ZMYM2: variants seen among roughly 807,000 people sequenced by gnomAD.
ZMYM2 encodes the protein zinc finger MYM-type protein 2.
Under a neutral mutation model 162.8 loss-of-function variants are expected in ZMYM2, and 56 were observed. The ratio of observed to expected loss-of-function variants is 0.34; its 90% CI spans 0.28 to 0.43. The LOEUF (loss-of-function observed/expected upper bound fraction) is 0.43, where lower values mean the gene tolerates loss of function less well. ZMYM2 is among the 20% of genes least tolerant of loss of function. The pLI, the probability that ZMYM2 is intolerant of heterozygous loss-of-function variation, is 1.00. For synonymous variants in ZMYM2, 510 were observed against 541.6 expected, an observed-to-expected ratio of 0.94 and a Z score of 0.81; for missense variants, 1,275 against 1,621.8, an observed-to-expected ratio of 0.79 and a Z score of 3.67.
At chr13:20,078,415 C>T (rs1228742109) in intron 21 of ZMYM2, among the ~76,000 whole-genome samples, 1 of 152,160 alleles carries the variant, frequency 6.6e-6, no homozygotes, top group Non-Finnish European at 1.5e-5. Context: ...TGTTTGCACA[C>T]AGTGTTTCTT....
At chr13:19,990,420 G>A (rs1230113306) in intron 2 of ZMYM2, among the ~76,000 whole-genome samples, 5 of 152,282 alleles carry the variant, frequency 3.3e-5, no homozygotes, top group Non-Finnish European at 7.4e-5. Context: ...CTTTGCAGAA[G>A]CTGTTTTCTT....
At chr13:20,051,719 C>A in intron 13 of ZMYM2, 121 bp downstream of exon 13, 1 of 971,102 alleles carries the variant, frequency 1.0e-6, no homozygotes, top group Non-Finnish European at 1.5e-6. Context: ...AACTTAAATT[C>A]CGTAGATTCT....
At chr13:19,938,750 A>G in the ZMYM2 span, among the ~76,000 whole-genome samples, 2 of 151,100 alleles carry the variant, frequency 1.3e-5, no homozygotes, top group South Asian at 2.1e-4. Context: ...AAAACAGGAG[A>G]TTCCAGCCTG....
intron 12 of ZMYM2, 28 bp from the exon 13 acceptor site, chr13:20,051,403 AAT>A: frequency 1.3e-6 from 2 of 1,594,808 alleles, no homozygotes; most frequent in Non-Finnish European, 1.7e-6. Context: ...AATAATTTGC[AAT>A]ATCTGAAACC....
chr13:20,046,607 G>GTGTATA (rs781273129), intron 12 of ZMYM2, among the ~76,000 whole-genome samples: 76 of 104,364 alleles, frequency 7.3e-4, no homozygotes, highest in African/African-American at 2.8e-3. Flanking sequence ...GTGTGTGTGT[G>GTGTATA]TATATATATG....
intron 6 of ZMYM2, among the ~76,000 whole-genome samples, chr13:20,018,595 TTAA>T (rs1397781347): frequency 6.6e-6 from 1 of 152,204 alleles, no homozygotes; most frequent in African/African-American, 2.4e-5. Context: ...ATACACTTAG[TTAA>T]TAATCTAGAT....
intron 7 of ZMYM2, 160 bp downstream of exon 7, chr13:20,019,778 G>T: frequency 1.6e-6 from 1 of 633,542 alleles, no homozygotes; most frequent in Non-Finnish European, 2.8e-6. Context: ...CTGAGACATA[G>T]ATTTCTAATT....
In ZMYM2 at chr13:19,986,198, A is replaced by AAAAC. The variant is rs199949326; in HGVS notation, c.-10-6849_-10-6846dup. On this transcript the variant is annotated intron_variant, in intron 2 of 24. Transcript: ENST00000610343. ...GGCAATAGAGCCAGACTCTCTCAAA[A>AAAAC]AAACAAACAAACAAACAAAACAAAC... is the stretch of plus-strand genomic sequence containing the variant. Among the ~76,000 whole-genome samples the AAAAC allele has an allele frequency of 6.6e-5, 10 of 151,944 alleles. 1 individual carries two copies. Among genetic ancestry groups the AAAAC allele is most frequent in the Admixed American group, 1.3e-4 (2 of 15,232 alleles).
intron 2 of ZMYM2, among the ~76,000 whole-genome samples, chr13:19,978,681 C>G (rs539150689): frequency 1.3e-5 from 2 of 152,310 alleles, no homozygotes; most frequent in South Asian, 4.1e-4. Flanking sequence ...TCCCAAAGTG[C>G]TGGGATTACA....
chr13:19,931,109 G>C, the ZMYM2 span, among the ~76,000 whole-genome samples: 21 of 145,968 alleles, frequency 1.4e-4, no homozygotes, highest in African/African-American at 5.3e-4. Flanking sequence ...ACAGCACTCC[G>C]GCCTGGGTGA....
At chr13:20,074,241 A>T (rs1593244944) in intron 21 of ZMYM2, among the ~76,000 whole-genome samples, 3 of 144,384 alleles carry the variant, frequency 2.1e-5, no homozygotes, top group Admixed American at 6.8e-5. Context: ...TGTGTGTGAG[A>T]GAGACAGAGA....
At chr13:19,881,546 CAGG>C in the ZMYM2 span, among the ~76,000 whole-genome samples, 1 of 151,862 alleles carries the variant, frequency 6.6e-6, no homozygotes, top group South Asian at 2.1e-4. Flanking sequence ...TCCTTGAACC[CAGG>C]AGGAGGAGGT....
chr13:19,996,977 T>C (rs932449746), intron 3 of ZMYM2, among the ~76,000 whole-genome samples: 4 of 152,182 alleles, frequency 2.6e-5, no homozygotes, highest in Non-Finnish European at 4.4e-5. Flanking sequence ...GAGACTGTAG[T>C]GCTCTGTGCT....
At chr13:19,986,442 A>G (rs984127785) in intron 2 of ZMYM2, among the ~76,000 whole-genome samples, 1 of 152,124 alleles carries the variant, frequency 6.6e-6, no homozygotes, top group Non-Finnish European at 1.5e-5. Context: ...ATCCTAAGAC[A>G]TTTCAGAAAT....
At chr13:19,914,671 G>A in the ZMYM2 span, among the ~76,000 whole-genome samples, 1 of 152,320 alleles carries the variant, frequency 6.6e-6, no homozygotes, top group Non-Finnish European at 1.5e-5. Flanking sequence ...CATTTACGTA[G>A]TGTCTTATCC....
chr13:20,058,029 G>A (rs1029566166), intron 14 of ZMYM2, among the ~76,000 whole-genome samples: 1 of 152,176 alleles, frequency 6.6e-6, no homozygotes, highest in Non-Finnish European at 1.5e-5. Flanking sequence ...CTGAGAGACT[G>A]CATCTGTAGA....
At chr13:19,959,795 T>TA (rs1157853029) in intron 1 of ZMYM2, 163 bp from the exon 2 acceptor site, 1 of 152,548 alleles carries the variant, frequency 6.6e-6, no homozygotes, top group East Asian at 1.9e-4. Flanking sequence ...TTGCCCCACT[T>TA]ACGCAGGAGG....
intron 23 of ZMYM2, among the ~76,000 whole-genome samples, chr13:20,083,444 C>T (rs992781419): frequency 6.6e-6 from 1 of 152,150 alleles, no homozygotes; most frequent in Non-Finnish European, 1.5e-5. Flanking sequence ...TTGTTAAGAA[C>T]CTAAGGACTG....
intron 21 of ZMYM2, chr13:20,070,796 A>C (rs897551526): frequency 6.5e-6 from 1 of 152,682 alleles, no homozygotes; most frequent in Non-Finnish European, 1.5e-5. Flanking sequence ...TGCGTGAGCC[A>C]CTGCGCCCAG....
Sources: gnomAD v4.1 joint callset for allele counts (sites outside exome capture counted in the v4.1 genomes callset) on GRCh38, gnomAD v4.1.1 for gene constraint, MANE v1.5 for transcripts, NCBI Gene and HGNC (gene_info 2026-07-23, HGNC 2026-07-21) for gene names.